MRTFB: variants seen among roughly 807,000 people sequenced by gnomAD.
The protein encoded by MRTFB is myocardin-related transcription factor B.
In MRTFB, 29 loss-of-function variants were observed where a neutral mutation model predicts 104.2. That is an observed-to-expected ratio of 0.28 (90% CI 0.21 to 0.38). The LOEUF is 0.38. Ranked by LOEUF, MRTFB falls within the 10% of genes least tolerant of loss-of-function variation. MRTFB has a pLI of 1.00. For missense variants in MRTFB, 1,270 were observed against 1,341.6 expected (o/e 0.95, Z 0.83); for synonymous variants, 535 against 519.5 (o/e 1.03, Z -0.41).
chr16:14,058,712 G>GTA, the MRTFB span, among the ~76,000 whole-genome samples: 1 of 86,846 alleles, frequency 1.2e-5, no homozygotes, highest in African/African-American at 4.3e-5. Flanking sequence ...ATTTGTATTT[G>GTA]TTTTTTTTTT....
the MRTFB span, among the ~76,000 whole-genome samples, chr16:14,039,041 G>A: frequency 6.6e-6 from 1 of 152,054 alleles, no homozygotes; most frequent in East Asian, 1.9e-4. Context: ...TCTCCCACTG[G>A]GTCCCTCCCA....
chr16:14,085,350 G>A (rs1385009102), intron 2 of MRTFB, among the ~76,000 whole-genome samples: 1 of 151,594 alleles, frequency 6.6e-6, no homozygotes, highest in Non-Finnish European at 1.5e-5. Context: ...CCAGCTACTT[G>A]GGAGGCTGAG....
At chr16:14,251,487 T>G (rs1359148582) in intron 13 of MRTFB, among the ~76,000 whole-genome samples, 1 of 152,056 alleles carries the variant, frequency 6.6e-6, no homozygotes, top group Admixed American at 6.6e-5. Context: ...GCAAGCACTG[T>G]TTTTCCACAA....
At chr16:14,187,824 G>T (rs1315674273) in intron 3 of MRTFB, among the ~76,000 whole-genome samples, 1 of 152,188 alleles carries the variant, frequency 6.6e-6, no homozygotes, top group African/African-American at 2.4e-5. Flanking sequence ...AGACATGAGG[G>T]TCACTCTTCT....
At chr16:14,255,246 C>T (rs1300193345) in intron 15 of MRTFB, among the ~76,000 whole-genome samples, 3 of 152,160 alleles carry the variant, frequency 2.0e-5, no homozygotes, top group Admixed American at 1.3e-4. Context: ...TTTGAAGAAA[C>T]AATGGCTGAC....
intron 3 of MRTFB, among the ~76,000 whole-genome samples, chr16:14,156,644 CAAG>C (rs1014613708): frequency 2.6e-5 from 4 of 152,054 alleles, no homozygotes; most frequent in African/African-American, 9.7e-5. Context: ...TTTGAAGCCT[CAAG>C]GAGGAAAGGT....
At chr16:14,227,563 G>C (rs1163777117) in intron 8 of MRTFB, among the ~76,000 whole-genome samples, 1 of 152,094 alleles carries the variant, frequency 6.6e-6, no homozygotes, top group African/African-American at 2.4e-5. Flanking sequence ...CCAGGCTGGA[G>C]TGCAGTGGCA....
At chr16:14,005,875 G>C in the MRTFB span, among the ~76,000 whole-genome samples, 1 of 152,184 alleles carries the variant, frequency 6.6e-6, no homozygotes, top group African/African-American at 2.4e-5. Flanking sequence ...AACAGAAAAG[G>C]TATGTGGGAT....
chr16:14,118,600 G>A (rs935560807), intron 2 of MRTFB, among the ~76,000 whole-genome samples: 3 of 151,598 alleles, frequency 2.0e-5, no homozygotes, highest in Non-Finnish European at 4.4e-5. Flanking sequence ...TCAAGAGTTC[G>A]AGACCGGTCT....
rs533044157 is a variant in MRTFB, at chr16:14,093,872, T to C, written c.-64+14518T>C. Among the ~76,000 whole-genome samples, 16 of 152,342 alleles carry C rather than the reference T, an allele frequency of 1.1e-4. No individual in the cohort carries two copies. The South Asian group carries it at 2.9e-3, about 28-fold the overall frequency. On this transcript the variant is annotated intron_variant, in intron 2 of 16. Transcript: ENST00000571589. ...AGTTACAGAGCTGAAGTTTTTAAAA[T>C]GTTAATTTCTGGAGGCACCCCTTAT...
chr16:14,114,982 T>C (rs955700819), intron 2 of MRTFB, among the ~76,000 whole-genome samples: 8 of 152,206 alleles, frequency 5.3e-5, no homozygotes, highest in African/African-American at 1.7e-4. Flanking sequence ...GATGAATGAA[T>C]GAGAGTGAGT....
upstream of MRTFB, among the ~76,000 whole-genome samples, chr16:14,069,419 C>T (rs2033564475): frequency 6.6e-6 from 1 of 152,210 alleles, no homozygotes; most frequent in Non-Finnish European, 1.5e-5. Flanking sequence ...CCCTGGCTTT[C>T]CAGTTTGGAG....
chr16:14,135,158 C>G (rs896691663), intron 2 of MRTFB, among the ~76,000 whole-genome samples: 1 of 152,076 alleles, frequency 6.6e-6, no homozygotes, highest in Non-Finnish European at 1.5e-5. Context: ...TGTGAGTAGC[C>G]CCTCACTACT....
At chr16:14,197,833 G>C (rs1460438250) in intron 3 of MRTFB, among the ~76,000 whole-genome samples, 1 of 152,130 alleles carries the variant, frequency 6.6e-6, no homozygotes, top group Non-Finnish European at 1.5e-5. Flanking sequence ...ATGGAATTAT[G>C]GTGGTGAGAG....
At chr16:14,086,925 A>C (rs1047736147) in intron 2 of MRTFB, among the ~76,000 whole-genome samples, 2 of 152,228 alleles carry the variant, frequency 1.3e-5, no homozygotes, top group Non-Finnish European at 2.9e-5. Flanking sequence ...CATCTGCAAC[A>C]GTTTCTTCCT....
intron 3 of MRTFB, among the ~76,000 whole-genome samples, chr16:14,160,128 A>G (rs903593328): frequency 6.6e-5 from 10 of 152,142 alleles, no homozygotes; most frequent in African/African-American, 2.4e-4. Context: ...TTCCCCAAAA[A>G]TGGCCTTTAT....
intron 9 of MRTFB, among the ~76,000 whole-genome samples, chr16:14,238,824 C>CT (rs1371129901): frequency 6.6e-6 from 1 of 152,186 alleles, no homozygotes; most frequent in African/African-American, 2.4e-5. Flanking sequence ...TACATAATTA[C>CT]TTTTTATAAA....
At chr16:14,144,471 G>A (rs975445164) in intron 3 of MRTFB, 1 of 152,098 alleles carries the variant, frequency 6.6e-6, no homozygotes, top group Admixed American at 6.6e-5. Flanking sequence ...ATAAGTTTAA[G>A]AGATCTATTG....
chr16:14,001,157 G>A, the MRTFB span, among the ~76,000 whole-genome samples: 3 of 152,202 alleles, frequency 2.0e-5, no homozygotes, highest in Non-Finnish European at 4.4e-5. Context: ...CAGTTAAGAC[G>A]CTTGTGGTTG....
Sources: allele counts gnomAD v4.1 joint callset (sites outside exome capture counted in the v4.1 genomes callset), GRCh38; gene constraint gnomAD v4.1.1; transcripts MANE v1.5; gene names NCBI Gene and HGNC (gene_info 2026-07-23, HGNC 2026-07-21).